Variants in PUDP observed in about 807,000 individuals in gnomAD.
PUDP encodes pseudouridine-5'-phosphatase.
PUDP carries 8 observed loss-of-function variants against 9.4 expected under a neutral mutation model. The observed-to-expected ratio is 0.85, with a 90% CI of 0.50 to 1.53. PUDP has a LOEUF of 1.53. PUDP is among the 40% of genes most tolerant of loss of function. PUDP has a pLI of 0.00. For synonymous variants in PUDP, 99 were observed against 80.7 expected, an observed-to-expected ratio of 1.23 and a Z score of -1.22; for missense variants, 188 against 189.7, an observed-to-expected ratio of 0.99 and a Z score of 0.05.
rs145615755 is a variant in PUDP, at chrX:6,900,575, G to T, written c.*247+76558C>A. Among the ~76,000 whole-genome samples, 580 of 103,703 alleles carry T rather than the reference G, an allele frequency of 5.6e-3. 1 individual carries two copies. Among genetic ancestry groups the T allele is most frequent in the Non-Finnish European group, 6.7e-3 (338 of 50,463 alleles). The allele number at this position is 103,703 out of a possible 115,157, so 90.1% of individuals were successfully genotyped here. ...AGAGAGGGAGAGAAGGAGAGAGGGA[G>T]ACGGAGAGGGAGAGAAAGAGAGAGA... is the stretch of plus-strand genomic sequence containing the variant. On this transcript the variant is annotated intron_variant and NMD_transcript_variant, in intron 3 of 3. Coordinates refer to the PUDP transcript ENST00000655425.
At chrX:7,060,016 T>C (rs1311758639) in intron 3 of PUDP, among the ~76,000 whole-genome samples, 1 of 112,060 alleles carries the variant, frequency 8.9e-6, no homozygotes, top group African/African-American at 3.2e-5. Context: ...GATGAGCCAA[T>C]GAGCTGTCTG....
chrX:6,816,139 T>C (rs1476280151), intron 3 of PUDP, among the ~76,000 whole-genome samples: 2 of 105,750 alleles, frequency 1.9e-5, no homozygotes, highest in Admixed American at 1.0e-4. Context: ...ACACAAACAA[T>C]ACAAAGGAAT....
intron 1 of PUDP, among the ~76,000 whole-genome samples, chrX:7,147,505 G>A (rs1932892251): frequency 8.9e-6 from 1 of 112,073 alleles, no homozygotes; most frequent in African/African-American, 3.2e-5. Flanking sequence ...GCCATTGCCA[G>A]ATGCCCTCAG....
chrX:7,140,702 A>C (rs1280451895), intron 1 of PUDP, among the ~76,000 whole-genome samples: 1 of 111,828 alleles, frequency 8.9e-6, no homozygotes. Context: ...AAAACGATGC[A>C]CTGCTGTCCC....
intron 3 of PUDP, among the ~76,000 whole-genome samples, chrX:6,768,745 T>TG (rs1925317741): frequency 8.9e-6 from 1 of 112,261 alleles, no homozygotes; most frequent in African/African-American, 3.2e-5. Context: ...TGTCATTGTT[T>TG]GGGGGCCCCA....
At chrX:6,787,018 G>A (rs1428133818) in intron 3 of PUDP, among the ~76,000 whole-genome samples, 1 of 86,704 alleles carries the variant, frequency 1.2e-5, no homozygotes, top group Non-Finnish European at 2.2e-5. Flanking sequence ...CCCACCCCCC[G>A]ACCTTTGTCT....
At chrX:6,927,964 CTTTT>C (rs34707742) in intron 3 of PUDP, among the ~76,000 whole-genome samples, 1 of 93,729 alleles carries the variant, frequency 1.1e-5, no homozygotes, top group Non-Finnish European at 2.1e-5. Context: ...GTGGTCTTCT[CTTTT>C]TTTTTTTTTT....
chrX:7,099,474 T>C (rs1446975532), intron 2 of PUDP, among the ~76,000 whole-genome samples: 1 of 112,753 alleles, frequency 8.9e-6, no homozygotes, highest in African/African-American at 3.2e-5. Flanking sequence ...ACAGTTTACA[T>C]GGAACCATGA....
At chrX:6,837,290 G>A (rs1170797961) in intron 3 of PUDP, among the ~76,000 whole-genome samples, 1 of 112,490 alleles carries the variant, frequency 8.9e-6, no homozygotes, top group Non-Finnish European at 1.9e-5. Context: ...TTGGACACCT[G>A]AAAGGATCTG....
chrX:6,743,933 G>A (rs1292269783), intron 3 of PUDP, among the ~76,000 whole-genome samples: 4 of 111,517 alleles, frequency 3.6e-5, no homozygotes, highest in Non-Finnish European at 5.6e-5. Context: ...TGTAGTAATC[G>A]GAACGACCAC....
intron 1 of PUDP, among the ~76,000 whole-genome samples, chrX:7,147,647 G>C (rs2146946150): frequency 8.9e-6 from 1 of 112,264 alleles, no homozygotes; most frequent in South Asian, 3.7e-4. Context: ...AGCTGAGGCT[G>C]GGCACCGCTC....
At chrX:6,853,304 A>G (rs1247737244) in intron 3 of PUDP, among the ~76,000 whole-genome samples, 1 of 110,711 alleles carries the variant, frequency 9.0e-6, no homozygotes, top group Non-Finnish European at 1.9e-5. Context: ...CTCCTCTCTC[A>G]CATGGAACAT....
rs755265897 is a variant in PUDP, at chrX:6,814,224, C to G, written c.*248-107758G>C. On this transcript the variant is annotated intron_variant and NMD_transcript_variant, in intron 3 of 3. Transcript: ENST00000655425. ...AATGACTTCCTCATTTGTGAACTAT[C>G]CTGGCACCCAGTTCAACATTTTATC... 2.1e-3 allele frequency among the ~76,000 whole-genome samples: 230 copies of G among 111,459 alleles called. 1 individual carries two copies. Among genetic ancestry groups the G allele is most frequent in the African/African-American group, 7.2e-3 (222 of 30,711 alleles).
At chrX:6,818,537 T>C (rs747717116) in intron 3 of PUDP, among the ~76,000 whole-genome samples, 73 of 112,530 alleles carry the variant, frequency 6.5e-4, no homozygotes, top group Admixed American at 3.8e-4. Context: ...ATTTCATGTA[T>C]TCAAAATGTA....
At chrX:6,711,201 C>T (rs1429322314) in intron 1 of PUDP, among the ~76,000 whole-genome samples, 1 of 110,810 alleles carries the variant, frequency 9.0e-6, no homozygotes, top group Admixed American at 9.6e-5. Context: ...CCCAAAGATA[C>T]GAGGGAAACT....
chrX:6,799,562 A>C (rs755439313), intron 3 of PUDP, among the ~76,000 whole-genome samples: 8 of 112,129 alleles, frequency 7.1e-5, no homozygotes, highest in Non-Finnish European at 1.5e-4. Context: ...TGAAAACCTT[A>C]ATGGGAAGAG....
intron 2 of PUDP, among the ~76,000 whole-genome samples, chrX:7,082,990 C>T (rs1311091808): frequency 1.8e-5 from 2 of 112,223 alleles, no homozygotes; most frequent in Non-Finnish European, 3.8e-5. Context: ...CACTTTGCCA[C>T]GTGGAAACGG....
At chrX:6,830,352 A>G (rs1280313650) in intron 3 of PUDP, among the ~76,000 whole-genome samples, 1 of 111,774 alleles carries the variant, frequency 8.9e-6, no homozygotes, top group Non-Finnish European at 1.9e-5. Context: ...TCCTTCAAGC[A>G]TTCAGGCAGG....
intron 3 of PUDP, among the ~76,000 whole-genome samples, chrX:6,840,290 C>A (rs1926648372): frequency 8.9e-6 from 1 of 112,141 alleles, no homozygotes; most frequent in South Asian, 3.7e-4. Flanking sequence ...TCCATTAAAC[C>A]TCTTTCTCTT....
Sources: gnomAD v4.1 joint callset for allele counts (sites outside exome capture counted in the v4.1 genomes callset) on GRCh38, gnomAD v4.1.1 for gene constraint, MANE v1.5 for transcripts, NCBI Gene and HGNC (gene_info 2026-07-23, HGNC 2026-07-21) for gene names.